TAF1: variants seen among roughly 807,000 people sequenced by gnomAD.
The protein encoded by TAF1 is TATA-box binding protein associated factor 1.
In TAF1, 2 loss-of-function variants were observed where a neutral mutation model predicts 138.5. The observed-to-expected ratio is 0.01, with a 90% CI of 0.01 to 0.05. The LOEUF is 0.05. TAF1 is among the 10% of genes least tolerant of loss of function. The pLI is 1.00. For synonymous variants in TAF1, 437 were observed against 503.2 expected (o/e 0.87, Z 1.76); for missense variants, 709 against 1,478.0 (o/e 0.48, Z 8.53).
At chrX:71,448,664 G>GT (rs2037806084) in intron 32 of TAF1, among the ~76,000 whole-genome samples, 1 of 111,647 alleles carries the variant, frequency 9.0e-6, no homozygotes, top group Admixed American at 9.5e-5. Context: ...TGAAGCTCTT[G>GT]TAACTATTGA....
At position 71,384,129 on chromosome X, in the gene TAF1, T is replaced by C; in HGVS notation, c.2115T>C (p.Tyr705=). The change falls in exon 13 of 38, where the codon TAT becomes TAC. Residue 705 remains tyrosine, a synonymous_variant. Transcript: ENST00000423759. ...TGGCAACCAAGATAAAGAACTATTA[T>C]AAACGGGTGAGTCTCTGCTCAGAAA... ...VGMATKIKNY[Y]KRKPGKDPGA... is the part of the protein sequence containing the mutation. 1 of 1,210,321 alleles carries C rather than the reference T, an allele frequency of 8.3e-7. No individual in the cohort carries two copies. Among genetic ancestry groups the C allele is most frequent in the Non-Finnish European group, 1.1e-6 (1 of 894,927 alleles).
At chrX:71,417,244 A>G (rs946445396) in intron 28 of TAF1, among the ~76,000 whole-genome samples, 5 of 110,139 alleles carry the variant, frequency 4.5e-5, no homozygotes, top group Non-Finnish European at 7.6e-5. Context: ...CCCCCTCACC[A>G]TGGGATTCTC....
intron 13 of TAF1, among the ~76,000 whole-genome samples, chrX:71,472,334 A>G (rs888350425): frequency 1.8e-5 from 2 of 112,748 alleles, no homozygotes; most frequent in African/African-American, 6.4e-5. Context: ...TTTCGATAAT[A>G]CAATGAACAT....
intron 13 of TAF1, among the ~76,000 whole-genome samples, chrX:71,502,393 CACAGAGTGCTGATTGGTGCACTTT>C (rs1323639652): frequency 6.3e-5 from 7 of 111,177 alleles, no homozygotes; most frequent in Non-Finnish European, 9.4e-5. Flanking sequence ...TTTAGCTAGA[CACAGAGTGCTGATTGGTGCACTTT>C]ACAGAGTGCT....
intron 32 of TAF1, among the ~76,000 whole-genome samples, chrX:71,436,214 ATTT>A (rs749919538): frequency 2.4e-5 from 2 of 84,292 alleles, no homozygotes. Flanking sequence ...AGCCCGGCTA[ATTT>A]TTTTTTTTTT....
chrX:71,380,821 G>T (rs1038985410), intron 8 of TAF1, among the ~76,000 whole-genome samples: 1 of 111,667 alleles, frequency 9.0e-6, no homozygotes, highest in Non-Finnish European at 1.9e-5. Flanking sequence ...CTCCCGAGTA[G>T]CTGGGATTAT....
intron 21 of TAF1, 81 bp downstream of exon 21, chrX:71,393,557 T>C: frequency 2.7e-6 from 3 of 1,095,737 alleles, no homozygotes; most frequent in Non-Finnish European, 2.4e-6. Context: ...AAAGAGGAGG[T>C]CACCTAAAAG....
chrX:71,366,610 G>A, intron 1 of TAF1, 116 bp downstream of exon 1: 1 of 781,052 alleles, frequency 1.3e-6, no homozygotes, highest in Admixed American at 3.7e-5. Flanking sequence ...GCTAACGCCG[G>A]GGAGGAGGAT....
At chrX:71,429,855 T>C (rs1569338920) in intron 32 of TAF1, among the ~76,000 whole-genome samples, 1 of 110,602 alleles carries the variant, frequency 9.0e-6, no homozygotes, top group Non-Finnish European at 1.9e-5. Flanking sequence ...GGGTAAAGGA[T>C]AGAGATTTTA....
At chrX:71,442,922 C>G (rs1441275187) in intron 32 of TAF1, among the ~76,000 whole-genome samples, 1 of 112,107 alleles carries the variant, frequency 8.9e-6, no homozygotes, top group Non-Finnish European at 1.9e-5. Context: ...ATTAGGGAAT[C>G]CTTTCCCCAT....
intron 17 of TAF1, 123 bp from the exon 18 acceptor site, chrX:71,389,462 A>G: frequency 3.8e-6 from 2 of 523,367 alleles, no homozygotes; most frequent in East Asian, 3.6e-5. Flanking sequence ...TATAGTGAAG[A>G]CTTTATGGAA....
intron 18 of TAF1, among the ~76,000 whole-genome samples, chrX:71,390,723 C>T (rs1328169623): frequency 1.1e-4 from 12 of 111,360 alleles, no homozygotes; most frequent in Non-Finnish European, 1.9e-4. Context: ...CGGCCGGGCG[C>T]GGTGGCTCAT....
chrX:71,524,655 A>G (rs918212186), intron 13 of TAF1, among the ~76,000 whole-genome samples: 1 of 109,453 alleles, frequency 9.1e-6, no homozygotes, highest in Non-Finnish European at 1.9e-5. Flanking sequence ...TAAAAAAAAA[A>G]AAAATGGCTG....
intron 28 of TAF1, among the ~76,000 whole-genome samples, chrX:71,410,465 T>TC (rs1233995343): frequency 1.0e-5 from 1 of 97,960 alleles, no homozygotes; most frequent in African/African-American, 3.8e-5. Context: ...TTTTTTTTTT[T>TC]TTTTTTTTTT....
chrX:71,510,083 G>T (rs992213072), intron 13 of TAF1, among the ~76,000 whole-genome samples: 4 of 111,141 alleles, frequency 3.6e-5, no homozygotes, highest in African/African-American at 1.3e-4. Flanking sequence ...GATCACTTCA[G>T]CCCAGAAATT....
chrX:71,439,389 C>T (rs1304500950), intron 32 of TAF1, among the ~76,000 whole-genome samples: 1 of 111,643 alleles, frequency 9.0e-6, no homozygotes, highest in African/African-American at 3.3e-5. Context: ...TGGTGAATGT[C>T]CCAGCCTTTA....
rs1178106385 is a variant in TAF1 at position 71,464,224 on chromosome X, TGG to T, written c.*181_*182del. The T allele has an allele frequency of 4.4e-6, 2 of 451,881 alleles. No individual in the cohort carries two copies. Among genetic ancestry groups the T allele is most frequent in the Non-Finnish European group, 7.5e-6 (2 of 267,565 alleles). The allele number at this position is 451,881 out of a possible 1,213,427, so 37.2% of individuals were successfully genotyped here. A position where few individuals can be genotyped will look rare whatever the true frequency, so the allele number is the denominator to read the frequency against. ...AATAAATCACCTCTCCTAATCTTCC[TGG>T]GGCAATGTCACCCTTTGATTTAAAA... On this transcript the variant is annotated 3_prime_UTR_variant, in exon 38 of 38. Transcript: ENST00000423759.
chrX:71,405,495 C>G (rs1360056606), intron 25 of TAF1, among the ~76,000 whole-genome samples: 2 of 111,155 alleles, frequency 1.8e-5, no homozygotes, highest in Non-Finnish European at 3.8e-5. Flanking sequence ...GTACTACAGG[C>G]ACGTGCTGCC....
At chrX:71,512,033 G>T (rs2039740939) in intron 13 of TAF1, among the ~76,000 whole-genome samples, 1 of 109,137 alleles carries the variant, frequency 9.2e-6, no homozygotes, top group Non-Finnish European at 1.9e-5. Context: ...AAAAAAAGGG[G>T]GCTGGGCACT....
Sources: gnomAD v4.1 joint callset for allele counts (sites outside exome capture counted in the v4.1 genomes callset) on GRCh38, gnomAD v4.1.1 for gene constraint, MANE v1.5 for transcripts, NCBI Gene and HGNC (gene_info 2026-07-23, HGNC 2026-07-21) for gene names.